RANBP2: variants seen among roughly 807,000 people sequenced by gnomAD.
The protein encoded by RANBP2 is RAN binding protein 2.
A neutral mutation model predicts 303.6 loss-of-function variants in RANBP2; 57 were observed. The observed-to-expected ratio is 0.19, with a 90% CI of 0.15 to 0.23. RANBP2 has a LOEUF of 0.23. RANBP2 is among the 10% of genes least tolerant of loss of function. RANBP2 has a pLI of 1.00. For missense variants in RANBP2, 3,138 were observed against 3,780.8 expected (o/e 0.83, Z 4.46); for synonymous variants, 1,167 against 1,301.5 (o/e 0.90, Z 2.23).
chr2:109,650,772 C>T, the RANBP2 span, among the ~76,000 whole-genome samples: 29 of 152,278 alleles, frequency 1.9e-4, no homozygotes, highest in African/African-American at 4.3e-4. Context: ...CCATGCTAAA[C>T]GTGCCTTTTG....
chr2:109,447,345 A>G, the RANBP2 span, among the ~76,000 whole-genome samples: 2 of 152,100 alleles, frequency 1.3e-5, no homozygotes, highest in Non-Finnish European at 2.9e-5. Context: ...TCCCAGATGG[A>G]GAGCTTTGTA....
the RANBP2 span, among the ~76,000 whole-genome samples, chr2:109,438,084 A>T: frequency 1.3e-5 from 2 of 152,348 alleles, no homozygotes; most frequent in Middle Eastern, 3.4e-3. Flanking sequence ...TTCTTAGACT[A>T]ACGAACACGA....
chr2:109,020,154 T>C, the RANBP2 span, among the ~76,000 whole-genome samples: 5 of 152,324 alleles, frequency 3.3e-5, no homozygotes, highest in East Asian at 9.7e-4. Context: ...ATGGGAGGCA[T>C]GACATGTTAG....
the RANBP2 span, among the ~76,000 whole-genome samples, chr2:109,060,533 G>A: frequency 6.6e-6 from 1 of 152,158 alleles, no homozygotes; most frequent in Non-Finnish European, 1.5e-5. Context: ...TCTCTCTATA[G>A]CGTTTTAAGA....
At chr2:109,089,961 T>C in the RANBP2 span, among the ~76,000 whole-genome samples, 5 of 152,142 alleles carry the variant, frequency 3.3e-5, no homozygotes, top group Admixed American at 6.5e-5. Context: ...TCCCAGCTGA[T>C]GCAAACTGGC....
the RANBP2 span, among the ~76,000 whole-genome samples, chr2:109,579,787 T>G: frequency 2.0e-5 from 3 of 151,906 alleles, no homozygotes; most frequent in Non-Finnish European, 2.9e-5. Flanking sequence ...CTCCTTAAAC[T>G]CCTTTTAGAA....
At chr2:109,128,803 C>G in the RANBP2 span, 2 of 202,392 alleles carry the variant, frequency 9.9e-6, no homozygotes, top group South Asian at 1.2e-4. Context: ...CCGAAAAAGA[C>G]TCGGACGCTT....
chr2:109,323,676 T>C, the RANBP2 span, among the ~76,000 whole-genome samples: 3 of 152,220 alleles, frequency 2.0e-5, no homozygotes, highest in East Asian at 5.8e-4. Flanking sequence ...TCCCTGAGCC[T>C]GTGCCTCGAG....
chr2:109,095,110 C>T, the RANBP2 span, among the ~76,000 whole-genome samples: 5 of 152,188 alleles, frequency 3.3e-5, no homozygotes, highest in East Asian at 1.9e-4. Context: ...TTCAATTTAC[C>T]TACTTTGGAG....
chr2:109,181,392 C>A, the RANBP2 span, among the ~76,000 whole-genome samples: 1,221 of 152,302 alleles, frequency 8.0e-3, 11 homozygotes, highest in East Asian at 0.04. Flanking sequence ...TTGCCACTCA[C>A]GTCTTTTTTC....
chr2:109,440,597 A>G, the RANBP2 span, among the ~76,000 whole-genome samples: 2 of 152,372 alleles, frequency 1.3e-5, no homozygotes, highest in East Asian at 3.9e-4. Context: ...AAAGCCAAGT[A>G]TATAAAACAA....
intron 9 of RANBP2, among the ~76,000 whole-genome samples, chr2:108,750,758 T>C: frequency 6.6e-6 from 1 of 152,022 alleles, no homozygotes; most frequent in African/African-American, 2.4e-5. Flanking sequence ...CGGCTAATTT[T>C]TTGTGTTTTT....
At position 108,775,912 on chromosome 2, in the gene RANBP2, A is replaced by G. The variant is rs771231794; in HGVS notation, c.8473A>G (p.Ile2825Val). 2.5e-6 allele frequency: 4 copies of G among 1,611,060 alleles called. No individual in the cohort carries two copies. The Admixed American group carries it at 6.7e-5, about 27-fold the overall frequency. Residue 2825 changes from isoleucine (I) to valine (V), a missense_variant, in exon 24 of 29, where the codon ATT becomes GTT. Ile to Val is a conservative substitution (Grantham distance 29, BLOSUM62 3). Coordinates refer to ENST00000283195, the MANE Select transcript of RANBP2 (RefSeq NM_006267.5). ...TGTAGATTTGTCAACTAGAAAGGAAATTGATACAGATTCTACAAGCCAAGG... is the reference window on the plus strand; with the variant it reads ...TGTAGATTTGTCAACTAGAAAGGAAGTTGATACAGATTCTACAAGCCAAGG... ...KPVDLSTRKEIDTDSTSQGES... is the reference protein window; with the variant it reads ...KPVDLSTRKEVDTDSTSQGES...
the RANBP2 span, among the ~76,000 whole-genome samples, chr2:109,349,619 T>A: frequency 6.6e-6 from 1 of 152,148 alleles, no homozygotes; most frequent in Non-Finnish European, 1.5e-5. Context: ...ACAGACCCCA[T>A]AATGGCTCTA....
At chr2:108,897,079 G>A in the RANBP2 span, 2 of 1,614,074 alleles carry the variant, frequency 1.2e-6, no homozygotes, top group Non-Finnish European at 1.7e-6. Flanking sequence ...CATGCCGTCT[G>A]TCATGCCCCC....
chr2:109,102,755 G>C, the RANBP2 span, among the ~76,000 whole-genome samples: 2 of 152,172 alleles, frequency 1.3e-5, no homozygotes, highest in Non-Finnish European at 2.9e-5. Context: ...TAAGTGCAGG[G>C]TGTTCTACTC....
the RANBP2 span, among the ~76,000 whole-genome samples, chr2:108,821,864 G>A: frequency 6.8e-6 from 1 of 147,406 alleles, no homozygotes; most frequent in Non-Finnish European, 1.5e-5. Context: ...AGAATTGCTT[G>A]AACCCAGGAG....
chr2:109,485,030 C>T, the RANBP2 span, among the ~76,000 whole-genome samples: 1 of 152,226 alleles, frequency 6.6e-6, no homozygotes, highest in Non-Finnish European at 1.5e-5. Context: ...AGTACGTAAC[C>T]CATCAGCGTG....
chr2:109,563,797 A>C, the RANBP2 span, among the ~76,000 whole-genome samples: 2 of 152,180 alleles, frequency 1.3e-5, no homozygotes, highest in Non-Finnish European at 2.9e-5. Context: ...ACAGAAGAAA[A>C]ACCAACAGAA....
Sources: allele counts gnomAD v4.1 joint callset (sites outside exome capture counted in the v4.1 genomes callset), GRCh38; gene constraint gnomAD v4.1.1; transcripts MANE v1.5; gene names NCBI Gene and HGNC (gene_info 2026-07-23, HGNC 2026-07-21).